Variants in ZNF565 observed in about 807,000 individuals in gnomAD.
The protein encoded by ZNF565 is zinc finger protein 565.
A neutral mutation model predicts 39.4 loss-of-function variants in ZNF565; 27 were observed. The ratio of observed to expected loss-of-function variants is 0.69; its 90% CI spans 0.51 to 0.95. The LOEUF is 0.95. ZNF565 is among the 40% of genes least tolerant of loss of function. The pLI is 0.00. For synonymous variants in ZNF565, 185 were observed against 216.6 expected (o/e 0.85, Z 1.28); for missense variants, 524 against 621.1 (o/e 0.84, Z 1.66).
chr19:36,194,913 G>A lies in ZNF565; in HGVS notation c.136+117C>T, dbSNP rs574975439. The A allele has an allele frequency of 3.6e-3, 5,333 of 1,494,120 alleles. 18 individuals carry two copies. The highest frequency in any genetic ancestry group is 4.5e-3 in the Non-Finnish European group (4,875 of 1,077,124). The allele number at this position is 1,494,120 out of a possible 1,614,324, so 92.6% of individuals were successfully genotyped here. On this transcript the variant is annotated intron_variant, in intron 3 of 4. Coordinates refer to ENST00000304116, the MANE Select transcript of ZNF565 (RefSeq NM_152477.5). Reference sequence around the variant, plus strand: ...TCTCTCTATGGCTGTAGTTTGTAGCGTCTCCTGTGACAGTTTCCTCTCCTC... The same window carrying A: ...TCTCTCTATGGCTGTAGTTTGTAGCATCTCCTGTGACAGTTTCCTCTCCTC...
At chr19:36,195,008 C>T (rs746299063) in intron 3 of ZNF565, 22 bp downstream of exon 3, 8 of 1,613,902 alleles carry the variant, frequency 5.0e-6, no homozygotes, top group Admixed American at 3.3e-5. Context: ...TCCGTCTGGC[C>T]CGTGTGATAC....
chr19:36,214,846 T>C (rs970791341), upstream of ZNF565: 1 of 152,580 alleles, frequency 6.6e-6, no homozygotes, highest in African/African-American at 2.4e-5. Flanking sequence ...CTCCAGACCT[T>C]CCAGCAAGCT....
intron 1 of ZNF565, among the ~76,000 whole-genome samples, chr19:36,204,428 T>C (rs1976078004): frequency 6.6e-6 from 1 of 152,150 alleles, no homozygotes; most frequent in Non-Finnish European, 1.5e-5. Context: ...ATGGTGTATT[T>C]GGGAGACTAA....
chr19:36,213,907 C>G (rs1976473470), intron 1 of ZNF565, among the ~76,000 whole-genome samples: 1 of 138,764 alleles, frequency 7.2e-6, no homozygotes, highest in Non-Finnish European at 1.6e-5. Flanking sequence ...CACCCAGTCA[C>G]ACAATCTACT....
At chr19:36,199,421 G>C (rs1045208095) in intron 2 of ZNF565, among the ~76,000 whole-genome samples, 7 of 152,030 alleles carry the variant, frequency 4.6e-5, no homozygotes, top group African/African-American at 1.2e-4. Flanking sequence ...TGTCTATGTG[G>C]AGAGAGAAGG....
rs1326822263 is a variant in ZNF565 at position 36,245,746 on chromosome 19, G to A, written c.-216C>T. On this transcript the variant is annotated 5_prime_UTR_variant, in exon 1 of 5. Transcript: ENST00000355114. This position sits in a 1 kb window ranked among gnomAD's most constrained non-coding sequence, Gnocchi z 4.4. ...ACCCACCCTGGCTCCGTCCACGGTT[G>A]TCGGGGTCCCGGGCTGCTTTTCTTG... 7 of 541,924 alleles carry A rather than the reference G, an allele frequency of 1.3e-5. No individual in the cohort carries two copies. In the East Asian group the frequency reaches 2.2e-4, roughly 17 times the overall value. 33.6% of individuals were successfully genotyped at this position (541,924 alleles called of 1,614,324 possible).
intron 1 of ZNF565, among the ~76,000 whole-genome samples, chr19:36,225,752 C>CTTTTT (rs67760026): frequency 4.5e-5 from 3 of 66,724 alleles, no homozygotes; most frequent in Admixed American, 1.9e-4. Flanking sequence ...CTTTGTGATT[C>CTTTTT]TTTTTTTTTT....
Position 36,182,594 on chromosome 19 carries a change from G to T in ZNF565, c.1372C>A (p.Arg458Ser). Reference sequence around the variant, plus strand: ...TGATGTTCGGTAAGTTGTGAACTACGAATAAAGGCCATTCCACACTCCCTG... The same window carrying T: ...TGATGTTCGGTAAGTTGTGAACTACTAATAAAGGCCATTCCACACTCCCTG... Reference protein sequence around the residue: ...ECRECGMAFIRSSQLTEHQRI... With the variant: ...ECRECGMAFISSSQLTEHQRI... Residue 458 changes from arginine (R) to serine (S), a missense_variant, in exon 5 of 5, where the codon CGT (arginine) becomes AGT (serine). Coordinates refer to ENST00000304116, the MANE Select transcript of ZNF565 (RefSeq NM_152477.5). 1 of 1,614,068 alleles carries T rather than the reference G, an allele frequency of 6.2e-7. No individual in the cohort carries two copies. Among genetic ancestry groups the T allele is most frequent in the Non-Finnish European group, 8.5e-7 (1 of 1,179,996 alleles).
chr19:36,191,673 C>T (rs532655064), intron 4 of ZNF565, among the ~76,000 whole-genome samples: 8 of 152,152 alleles, frequency 5.3e-5, no homozygotes, highest in East Asian at 3.9e-4. Context: ...TAAATACCCA[C>T]GAACTCATCG....
intron 1 of ZNF565, among the ~76,000 whole-genome samples, chr19:36,205,120 G>T (rs905551145): frequency 1.3e-5 from 2 of 152,270 alleles, no homozygotes; most frequent in East Asian, 3.9e-4. Context: ...ATAAATACAG[G>T]CTGATGCATA....
intron 1 of ZNF565, among the ~76,000 whole-genome samples, chr19:36,227,214 C>A (rs1386437639): frequency 6.6e-6 from 1 of 151,302 alleles, no homozygotes. Context: ...TGTGGTGAAA[C>A]CCTGTCTCTA....
intron 1 of ZNF565, among the ~76,000 whole-genome samples, chr19:36,224,036 C>T (rs1976971383): frequency 6.6e-6 from 1 of 151,986 alleles, no homozygotes; most frequent in Non-Finnish European, 1.5e-5. Flanking sequence ...GATATGCATC[C>T]AGCTTTACCT....
intron 1 of ZNF565, among the ~76,000 whole-genome samples, chr19:36,240,002 T>G (rs1172566757): frequency 6.6e-6 from 1 of 152,212 alleles, no homozygotes; most frequent in African/African-American, 2.4e-5. Flanking sequence ...ATTAGATACT[T>G]AAATGTCTAA....
At chr19:36,241,484 TAAA>T (rs34534450) in intron 1 of ZNF565, among the ~76,000 whole-genome samples, 14 of 109,424 alleles carry the variant, frequency 1.3e-4, no homozygotes, top group African/African-American at 2.0e-4. Flanking sequence ...GACTCTGTAT[TAAA>T]AAAAAAAAAA....
At chr19:36,192,233 C>T (rs998963078) in intron 4 of ZNF565, among the ~76,000 whole-genome samples, 6 of 151,254 alleles carry the variant, frequency 4.0e-5, no homozygotes, top group African/African-American at 7.3e-5. Flanking sequence ...GTGATTCGCC[C>T]GCCTTGGCCT....
Position 36,183,483 on chromosome 19 carries a change from C to T in ZNF565, c.483G>A (p.Glu161=), listed in dbSNP as rs751483207. ...GACATTCCATCAGTTTCTCACCAGT[C>T]TCCCTGCTCTGACGTACAGTGTGAG... ...HTSHTVRQSR[E]TGEKLMECHE... Residue 161 remains glutamate, a synonymous_variant, in exon 5 of 5, where the codon GAG becomes GAA. Coordinates refer to ENST00000304116, the MANE Select transcript of ZNF565 (RefSeq NM_152477.5). 1.2e-6 allele frequency: 2 copies of T among 1,614,124 alleles called. No homozygotes were observed. Among genetic ancestry groups the T allele is most frequent in the Non-Finnish European group, 8.5e-7 (1 of 1,180,054 alleles).
chr19:36,199,173 C>G (rs1568418020), intron 2 of ZNF565, among the ~76,000 whole-genome samples: 1 of 152,190 alleles, frequency 6.6e-6, no homozygotes, highest in Non-Finnish European at 1.5e-5. Context: ...TTTCCTTGCT[C>G]CTGAAACCAG....
At chr19:36,211,791 T>C (rs1211401282) in intron 1 of ZNF565, among the ~76,000 whole-genome samples, 2 of 143,048 alleles carry the variant, frequency 1.4e-5, no homozygotes, top group East Asian at 4.1e-4. Context: ...AGACTCTGTC[T>C]CAAAAAAAAC....
At chr19:36,205,702 G>A (rs927325647) in intron 1 of ZNF565, among the ~76,000 whole-genome samples, 1 of 143,788 alleles carries the variant, frequency 7.0e-6, no homozygotes, top group African/African-American at 3.0e-5. Flanking sequence ...ATGTAGGGGT[G>A]GGTTGCCCCT....
Sources: gnomAD v4.1 joint callset for allele counts (sites outside exome capture counted in the v4.1 genomes callset) on GRCh38, gnomAD v4.1.1 for gene constraint, Gnocchi (gnomAD v3.1) non-coding constraint, MANE v1.5 for transcripts, NCBI Gene and HGNC (gene_info 2026-07-23, HGNC 2026-07-21) for gene names.